STX8: variants seen among roughly 807,000 people sequenced by gnomAD.
STX8 encodes the protein syntaxin 8, also known as syntaxin-8.
A neutral mutation model predicts 37.5 loss-of-function variants in STX8; 23 were observed. The observed-to-expected ratio is 0.61, with a 90% CI of 0.44 to 0.87. The LOEUF (loss-of-function observed/expected upper bound fraction) is 0.87, where lower values mean the gene tolerates loss of function less well. Ranked by LOEUF, STX8 falls within the 40% of genes least tolerant of loss-of-function variation. The pLI, the probability that STX8 is intolerant of heterozygous loss-of-function variation, is 0.00. For missense variants in STX8, 313 were observed against 284.7 expected (o/e 1.10, Z -0.71); for synonymous variants, 115 against 99.1 (o/e 1.16, Z -0.95).
rs1304029882 is a variant in STX8, at chr17:9,279,656, TTC to T, written c.644-29013_644-29012del. Among the ~76,000 whole-genome samples, 6 of 152,184 alleles carry T rather than the reference TTC, an allele frequency of 3.9e-5. No individual in the cohort carries two copies. In the East Asian group the frequency reaches 1.2e-3, roughly 29 times the overall value. ...AGCTCTAGACTAGACTATGATGGACTTCTCACTGTCTTCCCTGCTACAGAACA... is the reference window on the plus strand; with the variant it reads ...AGCTCTAGACTAGACTATGATGGACTTCACTGTCTTCCCTGCTACAGAACA... On this transcript the variant is annotated intron_variant, in intron 7 of 7. Coordinates refer to ENST00000306357, the MANE Select transcript of STX8 (RefSeq NM_004853.3).
chr17:9,292,162 G>A (rs1321947525), intron 7 of STX8, among the ~76,000 whole-genome samples: 5 of 152,224 alleles, frequency 3.3e-5, no homozygotes, highest in Non-Finnish European at 5.9e-5. Flanking sequence ...GTGGATGGAC[G>A]GAGTCCCTGC....
intron 6 of STX8, among the ~76,000 whole-genome samples, chr17:9,399,494 C>T (rs1018213137): frequency 2.0e-5 from 3 of 152,054 alleles, no homozygotes; most frequent in African/African-American, 4.8e-5. Flanking sequence ...AAAGAAATGT[C>T]GAAGAAAGAA....
At chr17:9,279,365 G>A (rs753747265) in intron 7 of STX8, among the ~76,000 whole-genome samples, 9 of 152,050 alleles carry the variant, frequency 5.9e-5, no homozygotes, top group Admixed American at 2.0e-4. Flanking sequence ...GGGATTATAG[G>A]CGTGAGCCAC....
At chr17:9,313,785 C>G (rs1256408258) in intron 7 of STX8, among the ~76,000 whole-genome samples, 1 of 152,190 alleles carries the variant, frequency 6.6e-6, no homozygotes, top group Admixed American at 6.5e-5. Flanking sequence ...CACGTGCCAC[C>G]ACACCCGGCT....
At chr17:9,571,385 G>A (rs1907679976) in intron 1 of STX8, among the ~76,000 whole-genome samples, 1 of 152,040 alleles carries the variant, frequency 6.6e-6, no homozygotes, top group Admixed American at 6.5e-5. Context: ...CCAATCTGCG[G>A]TAAAGTCCGG....
chr17:9,332,423 A>C (rs1468308423), intron 7 of STX8, among the ~76,000 whole-genome samples: 1 of 152,196 alleles, frequency 6.6e-6, no homozygotes, highest in Admixed American at 6.5e-5. Flanking sequence ...CCACCAAGTA[A>C]GGAAGACAAG....
At chr17:9,506,023 T>C (rs1249041600) in intron 4 of STX8, among the ~76,000 whole-genome samples, 1 of 151,770 alleles carries the variant, frequency 6.6e-6, no homozygotes, top group African/African-American at 2.4e-5. Flanking sequence ...TTTGTGACTA[T>C]AATGTAGCAT....
At chr17:9,274,678 A>AAATAATAATAATAATAATAAT (rs57248368) in intron 7 of STX8, among the ~76,000 whole-genome samples, 4 of 106,704 alleles carry the variant, frequency 3.7e-5, no homozygotes, top group African/African-American at 9.5e-5. Context: ...TCTGTCTCAA[A>AAATAATAATAATAATAATAAT]AATAATAATA....
intron 7 of STX8, among the ~76,000 whole-genome samples, chr17:9,335,033 ACCC>A (rs2142222678): frequency 1.3e-5 from 2 of 152,148 alleles, no homozygotes; most frequent in South Asian, 4.2e-4. Context: ...GATCTGAGTC[ACCC>A]CTGGTCACCT....
At chr17:9,277,507 A>G (rs1168639933) in intron 7 of STX8, among the ~76,000 whole-genome samples, 1 of 152,116 alleles carries the variant, frequency 6.6e-6, no homozygotes, top group Non-Finnish European at 1.5e-5. Context: ...ACCAGGTACC[A>G]TGTTAGGTTC....
At chr17:9,271,917 G>C (rs2142140264) in intron 7 of STX8, among the ~76,000 whole-genome samples, 1 of 152,268 alleles carries the variant, frequency 6.6e-6, no homozygotes, top group South Asian at 2.1e-4. Flanking sequence ...GCTTTCTCTG[G>C]CGACTATAAG....
intron 6 of STX8, among the ~76,000 whole-genome samples, chr17:9,489,743 C>CAGTG (rs1293507537): frequency 1.5e-5 from 2 of 135,488 alleles, no homozygotes; most frequent in African/African-American, 5.5e-5. Flanking sequence ...GGCTGGAGTG[C>CAGTG]AGTGGCACAA....
At chr17:9,375,625 A>C (rs1911554803) in intron 7 of STX8, among the ~76,000 whole-genome samples, 1 of 152,194 alleles carries the variant, frequency 6.6e-6, no homozygotes, top group African/African-American at 2.4e-5. Flanking sequence ...CACCGCACAC[A>C]ATGTACCAAA....
intron 5 of STX8, among the ~76,000 whole-genome samples, chr17:9,499,163 G>A (rs1310461986): frequency 6.6e-6 from 1 of 152,202 alleles, no homozygotes; most frequent in African/African-American, 2.4e-5. Context: ...GTCAGCTAGA[G>A]TGCAGAATGG....
chr17:9,444,886 T>A (rs934426079), intron 6 of STX8, among the ~76,000 whole-genome samples: 1 of 152,154 alleles, frequency 6.6e-6, no homozygotes, highest in East Asian at 1.9e-4. Context: ...GGCAGAGATA[T>A]GTTACAGAGG....
At chr17:9,398,412 A>C (rs1010989762) in intron 6 of STX8, among the ~76,000 whole-genome samples, 2 of 152,178 alleles carry the variant, frequency 1.3e-5, no homozygotes, top group Non-Finnish European at 2.9e-5. Flanking sequence ...CATTACCCCC[A>C]CAAAACTGTC....
At chr17:9,537,099 C>A (rs899657630) in intron 4 of STX8, among the ~76,000 whole-genome samples, 13 of 152,200 alleles carry the variant, frequency 8.5e-5, no homozygotes, top group Admixed American at 2.0e-4. Context: ...CACCTCTTAG[C>A]CCACCTTGCG....
intron 7 of STX8, among the ~76,000 whole-genome samples, chr17:9,300,505 A>G (rs12944384): frequency 0.11 from 16,860 of 151,944 alleles, 1,124 homozygotes; most frequent in Middle Eastern, 0.18. Flanking sequence ...AATGTTTTGT[A>G]GTTTTCTTCG....
intron 6 of STX8, among the ~76,000 whole-genome samples, chr17:9,423,265 TC>T (rs1406823233): frequency 6.6e-6 from 1 of 152,200 alleles, no homozygotes; most frequent in Non-Finnish European, 1.5e-5. Flanking sequence ...TCTGTTTTCT[TC>T]TTAATAAGTC....
Sources: gnomAD v4.1 joint callset for allele counts (sites outside exome capture counted in the v4.1 genomes callset) on GRCh38, gnomAD v4.1.1 for gene constraint, MANE v1.5 for transcripts, NCBI Gene and HGNC (gene_info 2026-07-23, HGNC 2026-07-21) for gene names.